Variants in RIT2 observed in about 807,000 individuals in gnomAD.
RIT2 encodes the protein Ras like without CAAX 2, also known as GTP-binding protein Rit2.
Under a neutral mutation model 23.7 loss-of-function variants are expected in RIT2, and 24 were observed. The ratio of observed to expected loss-of-function variants is 1.01; its 90% CI spans 0.73 to 1.43. The LOEUF (loss-of-function observed/expected upper bound fraction) is 1.43, where lower values mean the gene tolerates loss of function less well. RIT2 is among the 40% of genes most tolerant of loss of function. The probability of loss-of-function intolerance (pLI) is 0.00; values close to 1 mark genes in which losing one functional copy is unlikely to be tolerated. For missense variants in RIT2, 236 were observed against 266.9 expected (o/e 0.88, Z 0.81); for synonymous variants, 107 against 91.1 (o/e 1.17, Z -0.99).
intron 2 of RIT2, among the ~76,000 whole-genome samples, chr18:43,017,279 C>G (rs1911496486): frequency 1.3e-5 from 2 of 151,902 alleles, no homozygotes; most frequent in South Asian, 4.1e-4. Context: ...CATCAGCAAT[C>G]AGTCAATATG....
At chr18:43,088,521 A>G (rs1417454617) in intron 1 of RIT2, among the ~76,000 whole-genome samples, 1 of 152,212 alleles carries the variant, frequency 6.6e-6, no homozygotes, top group African/African-American at 2.4e-5. Flanking sequence ...GGGCAAGAAT[A>G]GAAACAGGAC....
intron 4 of RIT2, among the ~76,000 whole-genome samples, chr18:42,822,877 C>A (rs1344417692): frequency 6.6e-6 from 1 of 152,092 alleles, no homozygotes; most frequent in Non-Finnish European, 1.5e-5. Context: ...CACTGGCCAA[C>A]ATCCAAAGAG....
intron 4 of RIT2, among the ~76,000 whole-genome samples, chr18:42,834,175 T>C (rs1568008147): frequency 1.3e-5 from 2 of 152,308 alleles, no homozygotes; most frequent in South Asian, 4.1e-4. Flanking sequence ...CAAAAACTCA[T>C]CTACCATGAA....
At chr18:43,036,027 T>C (rs1173213810) in intron 1 of RIT2, among the ~76,000 whole-genome samples, 1 of 152,186 alleles carries the variant, frequency 6.6e-6, no homozygotes, top group Non-Finnish European at 1.5e-5. Context: ...TCATGGAAGC[T>C]ATCAAGAAGC....
At chr18:42,962,012 C>T (rs964798121) in intron 3 of RIT2, among the ~76,000 whole-genome samples, 1 of 152,058 alleles carries the variant, frequency 6.6e-6, no homozygotes, top group African/African-American at 2.4e-5. Context: ...TTTTTTATTG[C>T]TCCATAACAC....
At chr18:42,952,845 T>C (rs188434847) in intron 3 of RIT2, among the ~76,000 whole-genome samples, 1 of 152,128 alleles carries the variant, frequency 6.6e-6, no homozygotes, top group East Asian at 1.9e-4. Context: ...AGTTCCTATA[T>C]ATCTATCACT....
intron 2 of RIT2, among the ~76,000 whole-genome samples, chr18:43,013,934 A>C (rs2144257541): frequency 6.6e-6 from 1 of 151,918 alleles, no homozygotes; most frequent in African/African-American, 2.4e-5. Flanking sequence ...TGAGTCATTA[A>C]GCTTCTCTTA....
At chr18:42,791,799 C>T (rs1187454230) in intron 4 of RIT2, among the ~76,000 whole-genome samples, 7 of 152,088 alleles carry the variant, frequency 4.6e-5, no homozygotes, top group African/African-American at 7.2e-5. Flanking sequence ...TGTGCTTGGC[C>T]TATGTCATTA....
At chr18:42,977,498 G>T (rs575423530) in intron 2 of RIT2, among the ~76,000 whole-genome samples, 2 of 152,014 alleles carry the variant, frequency 1.3e-5, no homozygotes, top group East Asian at 1.9e-4. Flanking sequence ...TTCAGAAACC[G>T]TTGCTGTAGA....
At chr18:43,049,443 C>A (rs148251420) in intron 1 of RIT2, among the ~76,000 whole-genome samples, 2 of 152,220 alleles carry the variant, frequency 1.3e-5, no homozygotes, top group African/African-American at 4.8e-5. Flanking sequence ...AATCAACAAA[C>A]AACTGCACGA....
intron 2 of RIT2, among the ~76,000 whole-genome samples, chr18:43,010,266 A>C (rs1911321490): frequency 6.6e-6 from 1 of 151,840 alleles, no homozygotes; most frequent in African/African-American, 2.4e-5. Flanking sequence ...ATTAGGCTGC[A>C]GTCCTCTAAT....
chr18:42,974,019 A>C, intron 3 of RIT2, 55 bp downstream of exon 3: 2 of 1,124,604 alleles, frequency 1.8e-6, no homozygotes, highest in Non-Finnish European at 2.6e-6. Flanking sequence ...AATATATTTG[A>C]AGCTAAAGCA....
chr18:43,112,478 G>A (rs899573628), intron 1 of RIT2, among the ~76,000 whole-genome samples: 3 of 152,202 alleles, frequency 2.0e-5, no homozygotes, highest in African/African-American at 7.2e-5. Context: ...ATTACTTGTG[G>A]TTTAAAATTC....
At chr18:42,925,845 T>C (rs578239390) in intron 3 of RIT2, among the ~76,000 whole-genome samples, 167 of 151,822 alleles carry the variant, frequency 1.1e-3, no homozygotes, top group Non-Finnish European at 2.0e-3. Context: ...TTAATTAAAA[T>C]GTAGCAGCGC....
chr18:42,828,391 C>A (rs1906363597), intron 4 of RIT2, among the ~76,000 whole-genome samples: 1 of 152,172 alleles, frequency 6.6e-6, no homozygotes, highest in Non-Finnish European at 1.5e-5. Flanking sequence ...GTAAAACATC[C>A]ACTTAGGTGA....
intron 2 of RIT2, among the ~76,000 whole-genome samples, chr18:42,993,624 C>T (rs1271091372): frequency 6.6e-6 from 1 of 152,090 alleles, no homozygotes; most frequent in East Asian, 1.9e-4. Context: ...CCCCACCTGC[C>T]CAGTTCCCTT....
chr18:42,819,311 CTT>C (rs1401522236), intron 4 of RIT2, among the ~76,000 whole-genome samples: 1 of 152,014 alleles, frequency 6.6e-6, no homozygotes, highest in African/African-American at 2.4e-5. Context: ...GCTGAAAACT[CTT>C]AGTTCCATTT....
chr18:42,805,311 G>T lies in RIT2; in HGVS notation c.427-61591C>A, dbSNP rs569395644. Among the ~76,000 whole-genome samples, 24 of 152,192 alleles carry T rather than the reference G, an allele frequency of 1.6e-4. No homozygotes were observed. In the East Asian group the frequency reaches 4.5e-3, roughly 28 times the overall value. ...CATTAATATCTGGCCAAATATAAGAGAATTGGAGCCTGATTACCTATTTTT... is the reference window on the plus strand; with the variant it reads ...CATTAATATCTGGCCAAATATAAGATAATTGGAGCCTGATTACCTATTTTT... On this transcript the variant is annotated intron_variant, in intron 4 of 4. Transcript: ENST00000326695.
chr18:42,953,233 T>C (rs916521444), intron 3 of RIT2, among the ~76,000 whole-genome samples: 1 of 152,176 alleles, frequency 6.6e-6, no homozygotes, highest in Admixed American at 6.6e-5. Flanking sequence ...TATGCTGACA[T>C]TCTGCCATGT....
Sources: gnomAD v4.1 joint callset for allele counts (sites outside exome capture counted in the v4.1 genomes callset) on GRCh38, gnomAD v4.1.1 for gene constraint, MANE v1.5 for transcripts, NCBI Gene and HGNC (gene_info 2026-07-23, HGNC 2026-07-21) for gene names.